SIK3: variants seen among roughly 807,000 people sequenced by gnomAD.
SIK3 encodes SIK family kinase 3, also known as serine/threonine-protein kinase SIK3.
A neutral mutation model predicts 144.2 loss-of-function variants in SIK3; 28 were observed. That is an observed-to-expected ratio of 0.19 (90% confidence interval 0.14 to 0.27). The LOEUF (loss-of-function observed/expected upper bound fraction) is 0.27, where lower values mean the gene tolerates loss of function less well. SIK3 is among the 10% of genes least tolerant of loss of function. The probability of loss-of-function intolerance (pLI) is 1.00; values close to 1 mark genes in which losing one functional copy is unlikely to be tolerated. For missense variants in SIK3, 1,319 were observed against 1,776.0 expected (o/e 0.74, Z 4.62); for synonymous variants, 686 against 676.3 (o/e 1.01, Z -0.22).
At chr11:116,925,617 A>G (rs1465889822) in intron 4 of SIK3, among the ~76,000 whole-genome samples, 2 of 152,264 alleles carry the variant, frequency 1.3e-5, no homozygotes, top group Non-Finnish European at 2.9e-5. Context: ...AATTTGTTAT[A>G]GTAATAATAA....
chr11:116,967,012 A>AAAAAAAAT (rs1188975857), intron 1 of SIK3, among the ~76,000 whole-genome samples: 3 of 142,706 alleles, frequency 2.1e-5, no homozygotes, highest in African/African-American at 7.9e-5. Flanking sequence ...TCAAAAAAAA[A>AAAAAAAAT]AAGAAAAAGA....
chr11:117,061,880 T>A (rs958497558), intron 1 of SIK3, among the ~76,000 whole-genome samples: 1 of 152,140 alleles, frequency 6.6e-6, no homozygotes, highest in African/African-American at 2.4e-5. Context: ...TAATAGTTAA[T>A]GAAATTTTGA....
At chr11:117,097,398 T>A (rs961194632) in intron 1 of SIK3, among the ~76,000 whole-genome samples, 1 of 152,072 alleles carries the variant, frequency 6.6e-6, no homozygotes, top group Non-Finnish European at 1.5e-5. Context: ...GTTTAACCCC[T>A]GACTACCTAG....
In SIK3 at chr11:116,849,078, C is replaced by A. The variant is rs1161038751; in HGVS notation, c.3819+42G>T. On this transcript the variant is annotated intron_variant, in intron 22 of 24. Transcript: ENST00000445177. The surrounding 1 kb of genome is among the most constrained non-coding windows in gnomAD (Gnocchi z 4.2). ...ACTATACTCTGTTTCAAGGCTGGGA[C>A]TGGGAGGATCCACCTCTGTGCAGCA... The A allele has an allele frequency of 6.5e-7, 1 of 1,543,462 alleles. No homozygotes were observed. The highest frequency in any genetic ancestry group is 8.8e-7 in the Non-Finnish European group (1 of 1,140,398).
chr11:116,996,415 ATTATC>A (rs1417461852), intron 1 of SIK3, among the ~76,000 whole-genome samples: 2 of 152,230 alleles, frequency 1.3e-5, no homozygotes, highest in African/African-American at 4.8e-5. Flanking sequence ...ATAAAAAAAT[ATTATC>A]TTAAATATAG....
At chr11:117,073,025 A>G (rs893580874) in intron 1 of SIK3, among the ~76,000 whole-genome samples, 3 of 152,120 alleles carry the variant, frequency 2.0e-5, no homozygotes, top group African/African-American at 7.2e-5. Flanking sequence ...GTATACTTGG[A>G]TCCTCCAGAT....
At chr11:116,851,487 C>T (rs1290906750) in intron 21 of SIK3, among the ~76,000 whole-genome samples, 1 of 152,066 alleles carries the variant, frequency 6.6e-6, no homozygotes, top group African/African-American at 2.4e-5. Context: ...GACTTAGGGG[C>T]AGAGGCAGGA....
At chr11:117,042,071 C>T (rs542748476) in intron 1 of SIK3, among the ~76,000 whole-genome samples, 1 of 152,226 alleles carries the variant, frequency 6.6e-6, no homozygotes, top group East Asian at 1.9e-4. Context: ...TTATCTGGAG[C>T]CTGGGGACTG....
intron 3 of SIK3, among the ~76,000 whole-genome samples, chr11:116,932,454 T>A (rs149195170): frequency 1.8e-3 from 274 of 152,312 alleles, no homozygotes; most frequent in African/African-American, 6.4e-3. Flanking sequence ...CTTTATCACA[T>A]GTGTAGATTT....
intron 6 of SIK3, among the ~76,000 whole-genome samples, chr11:116,878,356 C>A (rs75294699): frequency 0.071 from 10,739 of 151,662 alleles, 442 homozygotes; most frequent in Middle Eastern, 0.12. Flanking sequence ...TCCTGGGCCT[C>A]CAAGGCTCCT....
chr11:116,903,024 A>G (rs1591280499), intron 4 of SIK3, among the ~76,000 whole-genome samples: 1 of 152,192 alleles, frequency 6.6e-6, no homozygotes, highest in East Asian at 1.9e-4. Context: ...ATTGCTATGC[A>G]TCTTGTAAGT....
intron 1 of SIK3, among the ~76,000 whole-genome samples, chr11:116,970,472 A>G (rs1949727111): frequency 6.6e-6 from 1 of 152,046 alleles, no homozygotes; most frequent in African/African-American, 2.4e-5. Context: ...TAATCAAGCC[A>G]TTTAGTTTTA....
chr11:116,876,163 A>G, intron 8 of SIK3, 90 bp downstream of exon 8: 1 of 1,494,832 alleles, frequency 6.7e-7, no homozygotes, highest in Non-Finnish European at 9.1e-7. Context: ...AGGAAAAAAA[A>G]GGCCCAAGTT....
chr11:117,067,752 C>T (rs1954082366), intron 1 of SIK3, among the ~76,000 whole-genome samples: 1 of 152,046 alleles, frequency 6.6e-6, no homozygotes. Context: ...TTTGAGAGGC[C>T]AAGGCGGGAG....
intron 1 of SIK3, among the ~76,000 whole-genome samples, chr11:117,093,658 T>C (rs1565637023): frequency 6.9e-6 from 1 of 144,152 alleles, no homozygotes; most frequent in Non-Finnish European, 1.5e-5. Context: ...ATTAGATAAG[T>C]CACATTGCTA....
chr11:116,996,648 C>T (rs567516099), intron 1 of SIK3, among the ~76,000 whole-genome samples: 1 of 151,730 alleles, frequency 6.6e-6, no homozygotes, highest in African/African-American at 2.4e-5. Context: ...CATGAAACCC[C>T]ATCTCTACTA....
intron 1 of SIK3, among the ~76,000 whole-genome samples, chr11:117,033,902 G>A (rs959950993): frequency 9.0e-4 from 137 of 152,052 alleles, no homozygotes. Context: ...ATTGATAACA[G>A]TATATGAAAT....
At chr11:117,005,222 C>G (rs950061370) in intron 1 of SIK3, among the ~76,000 whole-genome samples, 1 of 151,258 alleles carries the variant, frequency 6.6e-6, no homozygotes, top group South Asian at 2.1e-4. Context: ...GCGGGCAGAT[C>G]ACCTGAGGTC....
rs1350731055 is a variant in SIK3, at chr11:116,857,883, G to A, written c.3582C>T (p.Ala1194=). 1.2e-6 allele frequency: 2 copies of A among 1,614,110 alleles called. No individual in the cohort carries two copies. Among genetic ancestry groups the A allele is most frequent in the Non-Finnish European group, 8.5e-7 (1 of 1,180,032 alleles). Residue 1194 remains alanine, a synonymous_variant, in exon 21 of 25, where the codon GCC becomes GCT. Coordinates refer to ENST00000445177, the MANE Select transcript of SIK3 (RefSeq NM_001366686.3). ...CATAGGGATGTATCCCCAATTCTTG[G>A]GCATGACTCACAGTTCCTAGCAAAG... The part of the protein sequence containing the change: ...PESLLGTVSH[A]QELGIHPYGH...
Sources: allele counts gnomAD v4.1 joint callset (sites outside exome capture counted in the v4.1 genomes callset), GRCh38; gene constraint gnomAD v4.1.1; non-coding constraint Gnocchi (gnomAD v3.1); transcripts MANE v1.5; gene names NCBI Gene and HGNC (gene_info 2026-07-23, HGNC 2026-07-21).